Variants in CLEC1A observed in about 807,000 individuals in gnomAD.
The protein encoded by CLEC1A is C-type lectin domain family 1 member A.
Under a neutral mutation model 28.7 loss-of-function variants are expected in CLEC1A, and 34 were observed. The observed-to-expected ratio is 1.18, with a 90% CI of 0.90 to 1.57. The LOEUF (loss-of-function observed/expected upper bound fraction) is 1.57. Ranked by LOEUF, CLEC1A falls within the 40% of genes most tolerant of loss-of-function variation. The probability of loss-of-function intolerance (pLI) is 0.00; values close to 1 mark genes in which losing one functional copy is unlikely to be tolerated. For missense variants in CLEC1A, 385 were observed against 339.5 expected (o/e 1.13, Z -1.05); for synonymous variants, 116 against 121.0 (o/e 0.96, Z 0.27).
chr12:10,076,147 T>A (rs147478812), intron 3 of CLEC1A, among the ~76,000 whole-genome samples: 3 of 152,338 alleles, frequency 2.0e-5, no homozygotes, highest in African/African-American at 7.2e-5. Context: ...GAAGTTAGAA[T>A]GCTGAATCTC....
At chr12:10,082,757 A>C (rs1866398618) in intron 2 of CLEC1A, among the ~76,000 whole-genome samples, 2 of 152,116 alleles carry the variant, frequency 1.3e-5, no homozygotes, top group Non-Finnish European at 2.9e-5. Flanking sequence ...TCAAACCATT[A>C]GAGTAACTCA....
intron 1 of CLEC1A, among the ~76,000 whole-genome samples, chr12:10,096,531 C>A (rs556979387): frequency 6.6e-6 from 1 of 152,170 alleles, no homozygotes; most frequent in East Asian, 1.9e-4. Context: ...GAAGGTCTTT[C>A]CAAAATGCAA....
chr12:10,090,190 C>T (rs1352965234), intron 1 of CLEC1A, among the ~76,000 whole-genome samples: 2 of 152,176 alleles, frequency 1.3e-5, no homozygotes, highest in Non-Finnish European at 2.9e-5. Context: ...AAGTCACGTT[C>T]TGAAACAGAA....
intron 3 of CLEC1A, among the ~76,000 whole-genome samples, chr12:10,080,172 G>T (rs1301673882): frequency 1.3e-5 from 2 of 152,010 alleles, no homozygotes; most frequent in East Asian, 3.9e-4. Context: ...AATTAGCTGG[G>T]TGCAGTGGTG....
chr12:10,089,253 G>A (rs767249739), intron 1 of CLEC1A, 31 bp from the exon 2 acceptor site: 1 of 1,580,578 alleles, frequency 6.3e-7, no homozygotes, highest in African/African-American at 1.3e-5. Flanking sequence ...AGCAGAGTTT[G>A]GCTTTTTCTT....
At chr12:10,085,844 A>G (rs1027186513) in intron 2 of CLEC1A, among the ~76,000 whole-genome samples, 2 of 152,216 alleles carry the variant, frequency 1.3e-5, no homozygotes, top group African/African-American at 2.4e-5. Flanking sequence ...GACTTAAAAG[A>G]TATTTACAAA....
chr12:10,075,433 G>A (rs1866229397), intron 4 of CLEC1A, 71 bp downstream of exon 4: 9 of 1,504,050 alleles, frequency 6.0e-6, no homozygotes, highest in Middle Eastern at 1.8e-4. Flanking sequence ...GATCCTTAGA[G>A]TCTTCTTGCC....
At position 10,090,607 on chromosome 12, in the gene CLEC1A, G is replaced by A. The variant is rs184889812; in HGVS notation, c.116-1385C>T. 3.4e-3 allele frequency among the ~76,000 whole-genome samples: 510 copies of A among 152,018 alleles called. 4 individuals are homozygous for A. The highest frequency in any genetic ancestry group is 0.012 in the African/African-American group (489 of 41,454). Reference sequence around the variant, plus strand: ...ATATGAAACGTTATTTCCAAATGGGGAATGATAACTAGTAAAGAATATAGA... The same window carrying A: ...ATATGAAACGTTATTTCCAAATGGGAAATGATAACTAGTAAAGAATATAGA... On this transcript the variant is annotated intron_variant, in intron 1 of 5. Transcript: ENST00000315330.
intron 1 of CLEC1A, 51 bp from the exon 2 acceptor site, chr12:10,089,273 T>C: frequency 6.9e-7 from 1 of 1,456,972 alleles, no homozygotes; most frequent in Non-Finnish European, 9.6e-7. Flanking sequence ...TCCTCTTGCA[T>C]CTAAGTCAAT....
chr12:10,078,121 T>C (rs1390179369), intron 3 of CLEC1A, among the ~76,000 whole-genome samples: 2 of 152,202 alleles, frequency 1.3e-5, no homozygotes, highest in African/African-American at 4.8e-5. Context: ...TCTTATCTGA[T>C]TTCTCTGTTG....
chr12:10,091,308 A>C (rs1947699916), intron 1 of CLEC1A, among the ~76,000 whole-genome samples: 1 of 152,230 alleles, frequency 6.6e-6, no homozygotes, highest in South Asian at 2.1e-4. Flanking sequence ...TAATCAAAAA[A>C]TGAAATAATA....
At chr12:10,073,181 A>G (rs928255905) in intron 5 of CLEC1A, 112 bp downstream of exon 5, 3 of 738,428 alleles carry the variant, frequency 4.1e-6, no homozygotes, top group Non-Finnish European at 7.2e-6. Context: ...CACAGTATCC[A>G]GTACAAAGCA....
At chr12:10,088,615 T>A (rs941100054) in intron 2 of CLEC1A, among the ~76,000 whole-genome samples, 1 of 152,126 alleles carries the variant, frequency 6.6e-6, no homozygotes, top group Non-Finnish European at 1.5e-5. Context: ...TTTTTAGATA[T>A]GCTTTTTTCC....
intron 2 of CLEC1A, among the ~76,000 whole-genome samples, chr12:10,082,527 G>A (rs950844325): frequency 2.6e-5 from 4 of 152,136 alleles, no homozygotes; most frequent in African/African-American, 9.7e-5. Flanking sequence ...GAGAGTGGGA[G>A]CTCAGACCTG....
chr12:10,092,311 G>C (rs780820953), intron 1 of CLEC1A: 8 of 215,596 alleles, frequency 3.7e-5, no homozygotes, highest in Non-Finnish European at 7.9e-5. Flanking sequence ...AGGAGTTCGA[G>C]ACCAGCCTGA....
intron 2 of CLEC1A, 146 bp from the exon 3 acceptor site, chr12:10,081,559 T>C (rs563279488): frequency 5.7e-6 from 2 of 351,010 alleles, no homozygotes; most frequent in East Asian, 3.5e-5. Context: ...TGGACTCTAG[T>C]ACATATATGA....
At chr12:10,091,917 C>T (rs1029372497) in intron 1 of CLEC1A, among the ~76,000 whole-genome samples, 1 of 152,182 alleles carries the variant, frequency 6.6e-6, no homozygotes, top group Middle Eastern at 3.4e-3. Flanking sequence ...AATTAAGCTC[C>T]TTCTTGGAAA....
rs367571375 is a variant in CLEC1A, at chr12:10,073,403, G to A, written c.552C>T (p.Ala184=). 3.5e-5 allele frequency: 56 copies of A among 1,612,182 alleles called. No individual in the cohort carries two copies. In the African/African-American group the frequency reaches 4.3e-4, roughly 12 times the overall value. ...KINKQEDLEF[A]ASQSYSEFFY... is the part of the protein sequence containing the mutation. Reference sequence around the variant, plus strand: ...AAAACTCAGAGTAGCTCTGAGACGCGGCAAATTCCTGTGAAAAGCACATAA... The same window carrying A: ...AAAACTCAGAGTAGCTCTGAGACGCAGCAAATTCCTGTGAAAAGCACATAA... Residue 184 remains alanine, a synonymous_variant, in exon 5 of 6, where the codon GCC becomes GCT. Transcript: ENST00000315330.
At chr12:10,084,373 G>C (rs1348237806) in intron 2 of CLEC1A, 1 of 152,252 alleles carries the variant, frequency 6.6e-6, no homozygotes, top group Non-Finnish European at 1.5e-5. Flanking sequence ...CTGGTCAAGG[G>C]TATATGTGTA....
Sources: allele counts gnomAD v4.1 joint callset (sites outside exome capture counted in the v4.1 genomes callset), GRCh38; gene constraint gnomAD v4.1.1; transcripts MANE v1.5; gene names NCBI Gene and HGNC (gene_info 2026-07-23, HGNC 2026-07-21).